Variants in CCDC66 observed in about 807,000 individuals in gnomAD.
CCDC66 encodes coiled-coil domain containing 66, also known as coiled-coil domain-containing protein 66.
In CCDC66, 133 loss-of-function variants were observed where a neutral mutation model predicts 128.3. That is an observed-to-expected ratio of 1.04 (90% CI 0.90 to 1.20). CCDC66 has a LOEUF of 1.20. CCDC66 is among the 50% of genes most tolerant of loss of function. The pLI, the probability that CCDC66 is intolerant of heterozygous loss-of-function variation, is 0.00. For missense variants in CCDC66, 1,126 were observed against 1,075.5 expected (o/e 1.05, Z -0.66); for synonymous variants, 387 against 357.0 (o/e 1.08, Z -0.95).
intron 7 of CCDC66, among the ~76,000 whole-genome samples, chr3:56,572,040 G>A (rs2066705422): frequency 6.6e-6 from 1 of 152,132 alleles, no homozygotes; most frequent in South Asian, 2.1e-4. Flanking sequence ...TTTTAAAACA[G>A]TGTTATTTTT....
intron 12 of CCDC66, 52 bp downstream of exon 12, chr3:56,615,324 A>T (rs762318672): frequency 1.6e-5 from 25 of 1,523,538 alleles, no homozygotes; most frequent in Non-Finnish European, 2.0e-5. Context: ...GATGATTTTA[A>T]ATAATTCCTT....
At chr3:56,590,027 T>G (rs2070582843) in intron 7 of CCDC66, among the ~76,000 whole-genome samples, 1 of 152,214 alleles carries the variant, frequency 6.6e-6, no homozygotes, top group African/African-American at 2.4e-5. Context: ...CTGCTGTTCC[T>G]CCTGTAAGGT....
chr3:56,575,076 T>G (rs908862532), intron 7 of CCDC66, among the ~76,000 whole-genome samples: 1 of 151,920 alleles, frequency 6.6e-6, no homozygotes, highest in Non-Finnish European at 1.5e-5. Flanking sequence ...AATTGCAGGA[T>G]TGTGTGGTAA....
intron 10 of CCDC66, among the ~76,000 whole-genome samples, chr3:56,602,856 A>G (rs2073423583): frequency 1.5e-5 from 2 of 129,778 alleles, no homozygotes; most frequent in South Asian, 4.8e-4. Context: ...TTTTTTTGAG[A>G]CAGAGTGTTG....
At position 56,621,630 on chromosome 3, in the gene CCDC66, C is replaced by CA; in HGVS notation, c.*15dup. On this transcript the variant is annotated 3_prime_UTR_variant, in exon 18 of 18. Transcript: ENST00000394672. The stretch of plus-strand genomic sequence containing the variant: ...GTTCTTCATTTTAAATGTAGAAAAT[C>CA]AAATCCTTCACATTTGATTTGTGTC... 6.4e-7 allele frequency: 1 copy of CA among 1,560,444 alleles called. No homozygotes were observed. Among genetic ancestry groups the CA allele is most frequent in the East Asian group, 2.3e-5 (1 of 44,378 alleles).
chr3:56,564,548 A>G (rs2065537323), intron 4 of CCDC66, among the ~76,000 whole-genome samples: 1 of 152,212 alleles, frequency 6.6e-6, no homozygotes, highest in Non-Finnish European at 1.5e-5. Flanking sequence ...TCCTGGCCAC[A>G]GCATTTACTC....
At chr3:56,615,805 T>A in intron 12 of CCDC66, 117 bp from the exon 13 acceptor site, 1 of 805,086 alleles carries the variant, frequency 1.2e-6, no homozygotes, top group African/African-American at 1.8e-5. Context: ...TGTAAGAAAA[T>A]TTTTATTGCA....
chr3:56,559,764 T>G (rs2064859398), intron 3 of CCDC66, among the ~76,000 whole-genome samples, 170 bp downstream of exon 3: 1 of 152,218 alleles, frequency 6.6e-6, no homozygotes, highest in Non-Finnish European at 1.5e-5. Flanking sequence ...AGAAATTGAA[T>G]CATTTTAGGT....
At chr3:56,568,755 G>T (rs762697571) in intron 6 of CCDC66, among the ~76,000 whole-genome samples, 14 of 152,210 alleles carry the variant, frequency 9.2e-5, no homozygotes, top group Admixed American at 2.0e-4. Context: ...CAGACAGTAT[G>T]TATTCTAGAC....
chr3:56,597,776 G>GTTTTTTTTTTTTTTT lies in CCDC66; in HGVS notation c.1404+3748_1404+3749insTTTTTTTTTTTTTTT, dbSNP rs753875788. Among the ~76,000 whole-genome samples the GTTTTTTTTTTTTTTT allele has an allele frequency of 1.9e-3, 116 of 61,818 alleles. 32 individuals are homozygous for GTTTTTTTTTTTTTTT. The highest frequency in any genetic ancestry group is 0.023 in the Middle Eastern group (2 of 86). The allele number at this position is 61,818 out of a possible 152,430, so 40.6% of individuals were successfully genotyped here. Reference sequence around the variant, plus strand: ...TTGTGGAGTCTAGGTTTTGTTTTGGGGTTTTTTTTTTTTTTTGAGACAGAG... The same window carrying GTTTTTTTTTTTTTTT: ...TTGTGGAGTCTAGGTTTTGTTTTGGGTTTTTTTTTTTTTTTGTTTTTTTTTTTTTTTGAGACAGAG... On this transcript the variant is annotated intron_variant, in intron 10 of 17. Transcript: ENST00000394672.
At chr3:56,565,481 C>T (rs1260127041) in intron 4 of CCDC66, among the ~76,000 whole-genome samples, 8 of 147,540 alleles carry the variant, frequency 5.4e-5, no homozygotes, top group Non-Finnish European at 7.5e-5. Flanking sequence ...TTAGTAGAGA[C>T]GGGGTTTCAC....
At chr3:56,583,209 C>CA (rs1164417881) in intron 7 of CCDC66, among the ~76,000 whole-genome samples, 2 of 150,822 alleles carry the variant, frequency 1.3e-5, no homozygotes, top group African/African-American at 2.4e-5. Context: ...TTGTGAAATG[C>CA]AAAAAAAACA....
At chr3:56,615,573 C>T (rs894787973) in intron 12 of CCDC66, among the ~76,000 whole-genome samples, 1 of 151,960 alleles carries the variant, frequency 6.6e-6, no homozygotes, top group Non-Finnish European at 1.5e-5. Context: ...CTTCAATATA[C>T]CTACTATTCT....
chr3:56,618,315 C>G (rs922713378), intron 15 of CCDC66, 103 bp downstream of exon 15: 1 of 1,042,566 alleles, frequency 9.6e-7, no homozygotes, highest in Admixed American at 2.0e-5. Flanking sequence ...ATGTAGAGAA[C>G]AATCAGAAAG....
At chr3:56,619,577 AC>A in intron 16 of CCDC66, 50 bp downstream of exon 16, 1 of 1,481,076 alleles carries the variant, frequency 6.8e-7, no homozygotes, top group South Asian at 1.3e-5. Context: ...ACCCATGTAA[AC>A]CCCGTCAACA....
chr3:56,600,615 T>C (rs144795962), intron 10 of CCDC66, among the ~76,000 whole-genome samples: 1,658 of 152,144 alleles, frequency 0.011, 56 homozygotes, highest in African/African-American at 0.038. Context: ...AAAGCGTTCC[T>C]ATTTCACCAC....
chr3:56,559,617 G>A, intron 3 of CCDC66, 23 bp downstream of exon 3: 2 of 1,509,126 alleles, frequency 1.3e-6, no homozygotes, highest in Middle Eastern at 1.7e-4. Flanking sequence ...ACTTTGACCT[G>A]ACCTGTTTTC....
At position 56,563,961 on chromosome 3, in the gene CCDC66, C is replaced by T. The variant is rs376068971; in HGVS notation, c.380C>T (p.Thr127Ile). Residue 127 changes from threonine to isoleucine, a missense_variant, in exon 4 of 18, where the codon ACA (threonine) becomes ATA (isoleucine). Coordinates refer to ENST00000394672, the MANE Select transcript of CCDC66 (RefSeq NM_001141947.3). ...NMQKTRNTVN[T>I]SLVGKQKPHK... ...CAGAAGACTAGAAACACCGTAAATACATCTCTAGTAGGTAAACAGAAGCCT... is the reference window on the plus strand; with the variant it reads ...CAGAAGACTAGAAACACCGTAAATATATCTCTAGTAGGTAAACAGAAGCCT... The T allele has an allele frequency of 6.4e-5, 104 of 1,613,814 alleles. No individual in the cohort carries two copies. The highest frequency in any genetic ancestry group is 7.7e-5 in the Non-Finnish European group (91 of 1,179,914).
rs1194056231 is a variant in CCDC66, at chr3:56,570,796, A to T, written c.815-385A>T. On this transcript the variant is annotated intron_variant, in intron 6 of 17. Transcript: ENST00000394672. Reference sequence around the variant, plus strand: ...GTTTGCTAACAGTCACGTAGCTGGGAAGTTGTTGAACTTGAATTTTAACCC... The same window carrying T: ...GTTTGCTAACAGTCACGTAGCTGGGTAGTTGTTGAACTTGAATTTTAACCC... 2 of 56,326 alleles carry T rather than the reference A, an allele frequency of 3.6e-5. 1 individual carries two copies. Among genetic ancestry groups the T allele is most frequent in the African/African-American group, 8.8e-5 (2 of 22,650 alleles). 3.5% of individuals were successfully genotyped at this position (56,326 alleles called of 1,614,324 possible).
Sources: allele counts gnomAD v4.1 joint callset (sites outside exome capture counted in the v4.1 genomes callset), GRCh38; gene constraint gnomAD v4.1.1; transcripts MANE v1.5; gene names NCBI Gene and HGNC (gene_info 2026-07-23, HGNC 2026-07-21).